STK38: variants seen among roughly 807,000 people sequenced by gnomAD.
STK38 encodes serine/threonine kinase 38, also known as serine/threonine-protein kinase 38.
A neutral mutation model predicts 59.0 loss-of-function variants in STK38; 26 were observed. That is an observed-to-expected ratio of 0.44 (90% CI 0.32 to 0.61). The LOEUF (loss-of-function observed/expected upper bound fraction) is 0.61, where lower values mean the gene tolerates loss of function less well. Ranked by LOEUF, STK38 falls within the 20% of genes least tolerant of loss-of-function variation. The probability of loss-of-function intolerance (pLI) is 0.04; values close to 1 mark genes in which losing one functional copy is unlikely to be tolerated. For missense variants in STK38, 433 were observed against 566.0 expected, an observed-to-expected ratio of 0.76 and a Z score of 2.38; for synonymous variants, 175 against 176.6, an observed-to-expected ratio of 0.99 and a Z score of 0.07.
At chr6:36,540,233 T>C in intron 1 of STK38, 26 bp from the exon 2 acceptor site, 1 of 1,612,392 alleles carries the variant, frequency 6.2e-7, no homozygotes, top group Non-Finnish European at 8.5e-7. Context: ...AGAAGAGGTG[T>C]TAGATTTGGA....
chr6:36,533,642 G>C (rs1214501746), intron 2 of STK38, among the ~76,000 whole-genome samples: 2 of 152,130 alleles, frequency 1.3e-5, no homozygotes, highest in African/African-American at 4.8e-5. Context: ...ACATCATCTT[G>C]TTCCTGCAGA....
intron 1 of STK38, among the ~76,000 whole-genome samples, chr6:36,544,743 A>G (rs1778019942): frequency 1.3e-5 from 2 of 152,096 alleles, no homozygotes; most frequent in South Asian, 4.1e-4. Flanking sequence ...GTGGTAGCAC[A>G]CACCTGTAGT....
At chr6:36,531,528 ACAAAGAGAG>A (rs779679613) in intron 2 of STK38, among the ~76,000 whole-genome samples, 3 of 152,240 alleles carry the variant, frequency 2.0e-5, no homozygotes, top group Non-Finnish European at 2.9e-5. Context: ...CAGAGAGAAT[ACAAAGAGAG>A]CTGCTGCTCC....
chr6:36,547,426 G>A lies in STK38; in HGVS notation c.-242C>T, dbSNP rs895694530. On this transcript the variant is annotated 5_prime_UTR_variant, in exon 1 of 14. Coordinates refer to ENST00000229812, the MANE Select transcript of STK38 (RefSeq NM_007271.4). The stretch of plus-strand genomic sequence containing the variant: ...AGCGCTGAGGGGCCAAGGCAGCCCG[G>A]TCCCCCGCCGCGGAGACGGGCTGGC... The A allele has an allele frequency of 6.6e-6, 1 of 152,262 alleles. No individual in the cohort carries two copies. The highest frequency in any genetic ancestry group is 2.1e-4 in the South Asian group (1 of 4,830). 9.4% of individuals were successfully genotyped at this position (152,262 alleles called of 1,614,324 possible). A position where few individuals can be genotyped will look rare whatever the true frequency, so the allele number is the denominator to read the frequency against.
Position 36,493,924 on chromosome 6 carries a change from G to A in STK38, c.*1860C>T, listed in dbSNP as rs897064899. 6.6e-6 allele frequency: 1 copy of A among 152,106 alleles called. No homozygotes were observed. The highest frequency in any genetic ancestry group is 1.5e-5 in the Non-Finnish European group (1 of 68,020). 9.4% of individuals were successfully genotyped at this position (152,106 alleles called of 1,614,324 possible). A position where few individuals can be genotyped will look rare whatever the true frequency, so the allele number is the denominator to read the frequency against. On this transcript the variant is annotated 3_prime_UTR_variant, in exon 14 of 14. Transcript: ENST00000229812. ...ACACAGTTTATTCAGAAGTTTAAAAGTTAAAATGTGGGCATTTTCCCCTGA... is the reference window on the plus strand; with the variant it reads ...ACACAGTTTATTCAGAAGTTTAAAAATTAAAATGTGGGCATTTTCCCCTGA...
chr6:36,540,338 A>T, intron 1 of STK38, 131 bp from the exon 2 acceptor site: 2 of 827,172 alleles, frequency 2.4e-6, no homozygotes, highest in South Asian at 1.8e-5. Context: ...TATGTAACAA[A>T]AGCCAGAGAA....
intron 9 of STK38, among the ~76,000 whole-genome samples, chr6:36,506,182 C>T (rs1468016104): frequency 3.3e-5 from 5 of 152,026 alleles, no homozygotes; most frequent in African/African-American, 4.8e-5. Flanking sequence ...TGCCCTTGCC[C>T]GAGTGGATCA....
At chr6:36,525,447 C>T in intron 3 of STK38, 144 bp downstream of exon 3, 2 of 634,872 alleles carry the variant, frequency 3.2e-6, no homozygotes, top group African/African-American at 1.8e-5. Flanking sequence ...TGAATTAACA[C>T]CCAAATCCGG....
At chr6:36,528,588 C>T (rs1002700349) in intron 2 of STK38, among the ~76,000 whole-genome samples, 1 of 152,112 alleles carries the variant, frequency 6.6e-6, no homozygotes, top group Non-Finnish European at 1.5e-5. Context: ...TGCATCTATG[C>T]GTGCACATGT....
intron 1 of STK38, among the ~76,000 whole-genome samples, chr6:36,540,771 C>A (rs1172798327): frequency 2.6e-5 from 4 of 152,128 alleles, no homozygotes; most frequent in Non-Finnish European, 4.4e-5. Flanking sequence ...GGATTACAGG[C>A]ATGCGCCACC....
intron 5 of STK38, 151 bp downstream of exon 5, chr6:36,521,583 G>T: frequency 2.4e-6 from 1 of 412,916 alleles, no homozygotes; most frequent in Non-Finnish European, 4.1e-6. Context: ...CTGCTTCTTT[G>T]TAGGGGGAAA....
Position 36,544,706 on chromosome 6 carries a change from C to CA in STK38, c.-6+2483dup, listed in dbSNP as rs1379927727. ...CAACATGGCAAAACCCCCGTTGCTACAAAAAAATACAAAAAATTGGCCAGG... is the reference window on the plus strand; with the variant it reads ...CAACATGGCAAAACCCCCGTTGCTACAAAAAAAATACAAAAAATTGGCCAGG... On this transcript the variant is annotated intron_variant, in intron 1 of 13. Coordinates refer to ENST00000229812, the MANE Select transcript of STK38 (RefSeq NM_007271.4). 3.9e-5 allele frequency among the ~76,000 whole-genome samples: 6 copies of CA among 152,104 alleles called. No individual in the cohort carries two copies. In the South Asian group the frequency reaches 6.2e-4, roughly 16 times the overall value.
chr6:36,546,958 G>T (rs960086842), intron 1 of STK38, among the ~76,000 whole-genome samples: 4 of 152,172 alleles, frequency 2.6e-5, no homozygotes, highest in Non-Finnish European at 5.9e-5. Context: ...GGATGGGGTG[G>T]AAAGGCTGGG....
At chr6:36,507,807 A>C (rs993191037) in intron 7 of STK38, among the ~76,000 whole-genome samples, 14 of 152,166 alleles carry the variant, frequency 9.2e-5, no homozygotes, top group Admixed American at 9.2e-4. Context: ...TCATTTCTGC[A>C]TATCATCTTT....
intron 2 of STK38, among the ~76,000 whole-genome samples, chr6:36,532,601 C>A (rs145201948): frequency 1.3e-5 from 2 of 152,124 alleles, no homozygotes; most frequent in African/African-American, 4.8e-5. Flanking sequence ...CGTGGTGAAA[C>A]CCCATCTATA....
intron 10 of STK38, among the ~76,000 whole-genome samples, chr6:36,499,358 A>G (rs1164195458): frequency 2.6e-5 from 4 of 152,144 alleles, no homozygotes; most frequent in Non-Finnish European, 5.9e-5. Context: ...CTGAAGCCAA[A>G]GCAGCCAGAT....
At chr6:36,503,200 T>G (rs943806492) in intron 9 of STK38, among the ~76,000 whole-genome samples, 1 of 152,202 alleles carries the variant, frequency 6.6e-6, no homozygotes, top group African/African-American at 2.4e-5. Flanking sequence ...TGTCTTTTCA[T>G]TTCTTTACGT....
chr6:36,524,477 A>G lies in STK38; in HGVS notation c.184-14T>C, dbSNP rs201669751. The G allele has an allele frequency of 3.5e-4, 554 of 1,585,350 alleles. 5 individuals carry two copies. In the South Asian group the frequency reaches 5.6e-3, roughly 16 times the overall value. ...CCGGAGTCGTTTCTAATATTTAAAT[A>G]AAAAAGGGAGGAGACGGGAAGGAAC... On this transcript the variant is annotated splice_polypyrimidine_tract_variant and intron_variant, in intron 3 of 13. Transcript: ENST00000229812.
intron 5 of STK38, among the ~76,000 whole-genome samples, chr6:36,518,125 C>A (rs1018024918): frequency 2.0e-5 from 3 of 152,164 alleles, no homozygotes; most frequent in Admixed American, 2.0e-4. Flanking sequence ...TAAACTGAAT[C>A]TCTGATTAGT....
Sources: gnomAD v4.1 joint callset for allele counts (sites outside exome capture counted in the v4.1 genomes callset) on GRCh38, gnomAD v4.1.1 for gene constraint, MANE v1.5 for transcripts, NCBI Gene and HGNC (gene_info 2026-07-23, HGNC 2026-07-21) for gene names.